Variants in PRDM11 observed in about 807,000 individuals in gnomAD.
PRDM11 encodes PR/SET domain 11, also known as PR domain-containing protein 11.
In PRDM11, 20 loss-of-function variants were observed where a neutral mutation model predicts 97.8. That is an observed-to-expected ratio of 0.20 (90% confidence interval 0.14 to 0.30). The LOEUF (loss-of-function observed/expected upper bound fraction) is 0.30, where lower values mean the gene tolerates loss of function less well. PRDM11 is among the 10% of genes least tolerant of loss of function. PRDM11 has a pLI of 1.00. For missense variants in PRDM11, 1,139 were observed against 1,555.2 expected (o/e 0.73, Z 4.50); for synonymous variants, 599 against 637.7 (o/e 0.94, Z 0.91).
chr11:45,200,986 C>CTGATGA (rs1002713749), intron 4 of PRDM11, among the ~76,000 whole-genome samples: 8 of 152,138 alleles, frequency 5.3e-5, no homozygotes, highest in African/African-American at 1.7e-4. Context: ...ATGTTTACAA[C>CTGATGA]TGATGGTGAT....
At chr11:45,183,292 C>T (rs1230416246) in intron 4 of PRDM11, among the ~76,000 whole-genome samples, 169 bp downstream of exon 4, 4 of 152,248 alleles carry the variant, frequency 2.6e-5, no homozygotes, top group Non-Finnish European at 2.9e-5. Flanking sequence ...GTGGCTGCAA[C>T]GCTTGGTGTC....
At chr11:45,180,928 G>T (rs1244981430) in intron 1 of PRDM11, among the ~76,000 whole-genome samples, 1 of 152,030 alleles carries the variant, frequency 6.6e-6, no homozygotes, top group African/African-American at 2.4e-5. Context: ...CCTCCCAGTC[G>T]CCGCCGCCGG....
intron 1 of PRDM11, among the ~76,000 whole-genome samples, chr11:45,180,602 C>T (rs1852451549): frequency 6.6e-6 from 1 of 151,354 alleles, no homozygotes; most frequent in Admixed American, 6.6e-5. Flanking sequence ...TCCCGGCCGC[C>T]AGCCAACTGC....
chr11:45,115,069 A>G (rs976988506), intron 1 of PRDM11, among the ~76,000 whole-genome samples: 3 of 152,124 alleles, frequency 2.0e-5, no homozygotes, highest in African/African-American at 7.2e-5. Flanking sequence ...TTATTTCCTT[A>G]ATCTAAAAAA....
intron 1 of PRDM11, among the ~76,000 whole-genome samples, chr11:45,151,375 G>A (rs1216940024): frequency 6.6e-6 from 1 of 152,262 alleles, no homozygotes; most frequent in Non-Finnish European, 1.5e-5. Flanking sequence ...TAAAAAGCCT[G>A]TTTCCTATTG....
At chr11:45,127,508 G>C (rs1852603263) in intron 1 of PRDM11, among the ~76,000 whole-genome samples, 2 of 152,174 alleles carry the variant, frequency 1.3e-5, no homozygotes, top group Non-Finnish European at 2.9e-5. Context: ...GTACAGATGG[G>C]TTTTTGGTGT....
chr11:45,138,282 G>A (rs1403866197), intron 1 of PRDM11, among the ~76,000 whole-genome samples: 1 of 152,212 alleles, frequency 6.6e-6, no homozygotes, highest in African/African-American at 2.4e-5. Flanking sequence ...AATAATGGAA[G>A]GAGGCTGGGT....
intron 5 of PRDM11, among the ~76,000 whole-genome samples, chr11:45,210,313 C>T (rs1452780905): frequency 6.6e-6 from 1 of 152,256 alleles, no homozygotes; most frequent in Non-Finnish European, 1.5e-5. Flanking sequence ...TTCCTCTCTA[C>T]TTCCTGTGTC....
chr11:45,176,194 T>C (rs982670109), intron 1 of PRDM11, among the ~76,000 whole-genome samples: 2 of 152,046 alleles, frequency 1.3e-5, no homozygotes, highest in Non-Finnish European at 2.9e-5. Context: ...GCCAACATGG[T>C]GAAACCCTGT....
At chr11:45,155,883 G>A (rs577677202) in intron 1 of PRDM11, among the ~76,000 whole-genome samples, 11 of 152,212 alleles carry the variant, frequency 7.2e-5, no homozygotes, top group African/African-American at 2.4e-4. Context: ...GCCCAAATGA[G>A]TGTGGACGGG....
chr11:45,101,496 C>T (rs1392843889), intron 1 of PRDM11, among the ~76,000 whole-genome samples: 1 of 148,496 alleles, frequency 6.7e-6, no homozygotes, highest in Non-Finnish European at 1.5e-5. Flanking sequence ...GCTGAGGTTG[C>T]AGTGAGGTGA....
chr11:45,153,281 C>T (rs1358240191), intron 1 of PRDM11, among the ~76,000 whole-genome samples: 3 of 152,386 alleles, frequency 2.0e-5, no homozygotes, highest in Admixed American at 2.0e-4. Flanking sequence ...AGGGAGCCAG[C>T]TGGTGGGGTC....
intron 5 of PRDM11, among the ~76,000 whole-genome samples, chr11:45,217,360 C>A (rs1006899889): frequency 6.6e-6 from 1 of 152,150 alleles, no homozygotes; most frequent in African/African-American, 2.4e-5. Context: ...GTGGAAATCA[C>A]CCTGTGGTCT....
intron 5 of PRDM11, chr11:45,212,537 G>A (rs1454692237): frequency 2.2e-6 from 1 of 455,698 alleles, no homozygotes; most frequent in East Asian, 7.0e-5. Flanking sequence ...GCGGTCTCCG[G>A]AGGAAGAGGC....
Position 45,226,608 on chromosome 11 carries a change from C to G in PRDM11, c.1983C>G (p.Ile661Met). The G allele has an allele frequency of 6.5e-6, 10 of 1,533,988 alleles. No homozygotes were observed. Among genetic ancestry groups the G allele is most frequent in the Non-Finnish European group, 8.7e-6 (10 of 1,146,740 alleles). ...RIRQSPCLSV[I>M]LDGQSDDLLA... is the part of the protein sequence containing the mutation. ...GCCAGTCACCTTGCCTCAGCGTCAT[C>G]CTGGATGGGCAGAGCGACGACCTGC... The change falls in exon 8 of 8, where the codon ATC becomes ATG. Residue 661 changes from isoleucine (I) to methionine (M), a missense_variant. Ile to Met is a conservative substitution (Grantham distance 10, BLOSUM62 1). Coordinates refer to ENST00000683152, the MANE Select transcript of PRDM11 (RefSeq NM_001384648.1).
intron 1 of PRDM11, among the ~76,000 whole-genome samples, chr11:45,117,823 C>T (rs931956665): frequency 1.3e-5 from 2 of 152,292 alleles, no homozygotes; most frequent in East Asian, 3.9e-4. Flanking sequence ...ATAGTGACTT[C>T]GTTCCGACGA....
intron 1 of PRDM11, among the ~76,000 whole-genome samples, 156 bp downstream of exon 1, chr11:45,147,033 G>A (rs1435100742): frequency 6.9e-6 from 1 of 144,934 alleles, no homozygotes; most frequent in Non-Finnish European, 1.5e-5. Flanking sequence ...CGGGGCGGGG[G>A]TCCGGACGGC....
At chr11:45,141,606 G>T (rs1365177420) in intron 1 of PRDM11, among the ~76,000 whole-genome samples, 2 of 152,172 alleles carry the variant, frequency 1.3e-5, no homozygotes, top group East Asian at 3.9e-4. Flanking sequence ...CCACAGCCAA[G>T]ATCATGCTAG....
At chr11:45,215,830 G>A (rs1853941230) in intron 5 of PRDM11, 1 of 152,262 alleles carries the variant, frequency 6.6e-6, no homozygotes, top group East Asian at 1.9e-4. Context: ...CCTCTTCTCA[G>A]TCGGTCTTTT....
Sources: gnomAD v4.1 joint callset for allele counts (sites outside exome capture counted in the v4.1 genomes callset) on GRCh38, gnomAD v4.1.1 for gene constraint, MANE v1.5 for transcripts, NCBI Gene and HGNC (gene_info 2026-07-23, HGNC 2026-07-21) for gene names.